Variants in SEPTIN9 observed in about 807,000 individuals in gnomAD.
SEPTIN9 encodes the protein septin-9.
A neutral mutation model predicts 56.6 loss-of-function variants in SEPTIN9; 13 were observed. The ratio of observed to expected loss-of-function variants is 0.23; its 90% CI spans 0.15 to 0.37. SEPTIN9 has a LOEUF of 0.37. SEPTIN9 is among the 10% of genes least tolerant of loss of function. The pLI is 1.00. For missense variants in SEPTIN9, 650 were observed against 823.1 expected, an observed-to-expected ratio of 0.79 and a Z score of 2.57; for synonymous variants, 332 against 334.1, an observed-to-expected ratio of 0.99 and a Z score of 0.07.
intron 3 of SEPTIN9, chr17:77,446,370 T>C (rs1207647674): frequency 1.3e-5 from 2 of 159,184 alleles, no homozygotes; most frequent in Non-Finnish European, 2.9e-5. Context: ...CTTCCTCTTT[T>C]TTTTTTTTGA....
intron 3 of SEPTIN9, among the ~76,000 whole-genome samples, chr17:77,406,324 C>T (rs1311210007): frequency 1.3e-5 from 2 of 152,206 alleles, no homozygotes; most frequent in African/African-American, 4.8e-5. Flanking sequence ...ACCCTGACCT[C>T]TGCTTCTCTT....
intron 3 of SEPTIN9, among the ~76,000 whole-genome samples, chr17:77,460,288 G>A (rs2038409060): frequency 6.6e-6 from 1 of 152,134 alleles, no homozygotes; most frequent in Non-Finnish European, 1.5e-5. Flanking sequence ...AGGGGCCCTG[G>A]TGTTTGTGGA....
At chr17:77,410,882 C>G (rs2036271942) in intron 3 of SEPTIN9, among the ~76,000 whole-genome samples, 1 of 152,184 alleles carries the variant, frequency 6.6e-6, no homozygotes, top group South Asian at 2.1e-4. Flanking sequence ...GCTCTGTGTT[C>G]TGGCTCCCAT....
At chr17:77,408,908 G>A (rs1008997504) in intron 3 of SEPTIN9, among the ~76,000 whole-genome samples, 2 of 152,178 alleles carry the variant, frequency 1.3e-5, no homozygotes, top group Non-Finnish European at 2.9e-5. Context: ...GGTTCGTCCA[G>A]TACCAGGTGT....
At chr17:77,407,795 TC>T (rs2036144694) in intron 3 of SEPTIN9, among the ~76,000 whole-genome samples, 1 of 152,202 alleles carries the variant, frequency 6.6e-6, no homozygotes, top group Non-Finnish European at 1.5e-5. Flanking sequence ...AGGGCGCTCA[TC>T]CTTTGGGGTC....
chr17:77,498,798 C>G lies in SEPTIN9; in HGVS notation c.*140C>G, dbSNP rs1047528572. On this transcript the variant is annotated 3_prime_UTR_variant, in exon 12 of 12. Coordinates refer to ENST00000427177, the MANE Select transcript of SEPTIN9 (RefSeq NM_001113491.2). ...ACCCCTTCGACATGCTGCCAGGAAA[C>G]AAGGGAAGGGGCCTCCCTCCGAGTG... The G allele has an allele frequency of 7.9e-6, 5 of 633,906 alleles. No homozygotes were observed. Among genetic ancestry groups the G allele is most frequent in the East Asian group, 6.3e-5 (2 of 31,848 alleles). 39.3% of individuals were successfully genotyped at this position (633,906 alleles called of 1,614,324 possible). A position where few individuals can be genotyped will look rare whatever the true frequency, so the allele number is the denominator to read the frequency against.
At chr17:77,322,323 T>C (rs1031152977) in intron 2 of SEPTIN9, among the ~76,000 whole-genome samples, 3 of 152,204 alleles carry the variant, frequency 2.0e-5, no homozygotes, top group Non-Finnish European at 4.4e-5. Context: ...TGATCCCTGC[T>C]GCCCTTGGCT....
At chr17:77,346,304 T>A (rs1452833763) in intron 2 of SEPTIN9, among the ~76,000 whole-genome samples, 1 of 145,344 alleles carries the variant, frequency 6.9e-6, no homozygotes, top group African/African-American at 2.5e-5. Flanking sequence ...TTTTTTTTTT[T>A]TTTACTTCTT....
At chr17:77,354,056 GAGA>G (rs2034145485) in intron 2 of SEPTIN9, among the ~76,000 whole-genome samples, 1 of 152,178 alleles carries the variant, frequency 6.6e-6, no homozygotes, top group African/African-American at 2.4e-5. Flanking sequence ...GATCTCCACA[GAGA>G]AGAAGGGTCA....
Position 77,492,872 on chromosome 17 carries a change from C to A in SEPTIN9, c.1477-108C>A. The A allele has an allele frequency of 1.6e-6, 2 of 1,234,924 alleles. No homozygotes were observed. The highest frequency in any genetic ancestry group is 2.4e-6 in the Non-Finnish European group (2 of 849,926). The allele number at this position is 1,234,924 out of a possible 1,614,324, so 76.5% of individuals were successfully genotyped here. A position where few individuals can be genotyped will look rare whatever the true frequency, so the allele number is the denominator to read the frequency against. ...TGTACCCAGTGCTGTCAGGCTGAGG[C>A]TCTCGTTTTTGGGGGACCCCAGGCT... On this transcript the variant is annotated intron_variant, in intron 9 of 11. Transcript: ENST00000427177. This position sits in a 1 kb window ranked among gnomAD's most constrained non-coding sequence, Gnocchi z 5.4.
intron 1 of SEPTIN9, 100 bp downstream of exon 1, chr17:77,281,654 G>C: frequency 8.3e-7 from 1 of 1,202,066 alleles, no homozygotes; most frequent in Non-Finnish European, 1.1e-6. Flanking sequence ...CCCCGGAGCT[G>C]AGCGAGTCCC....
intron 2 of SEPTIN9, among the ~76,000 whole-genome samples, chr17:77,387,872 T>C (rs2035391209): frequency 6.6e-6 from 1 of 151,992 alleles, no homozygotes; most frequent in South Asian, 2.1e-4. Context: ...TGATCTAGCC[T>C]GACCCTCCAC....
intron 1 of SEPTIN9, among the ~76,000 whole-genome samples, chr17:77,290,564 A>C (rs1406997450): frequency 6.6e-6 from 1 of 151,768 alleles, no homozygotes; most frequent in South Asian, 2.1e-4. Flanking sequence ...GCGGTGGCTC[A>C]CACCTGTAAT....
intron 2 of SEPTIN9, among the ~76,000 whole-genome samples, chr17:77,333,371 C>A (rs1456450914): frequency 1.3e-5 from 2 of 152,008 alleles, no homozygotes; most frequent in African/African-American, 2.4e-5. Flanking sequence ...ATATTTTATT[C>A]CAGTCTGTGG....
chr17:77,395,352 C>T (rs1360390780), intron 2 of SEPTIN9, among the ~76,000 whole-genome samples: 4 of 151,966 alleles, frequency 2.6e-5, no homozygotes, highest in Admixed American at 1.3e-4. Flanking sequence ...ACGGTGAAAT[C>T]GTGTCTCTAC....
chr17:77,395,526 CAAAAAAAA>C (rs72242549), intron 2 of SEPTIN9, among the ~76,000 whole-genome samples: 2 of 115,324 alleles, frequency 1.7e-5, no homozygotes, highest in African/African-American at 6.1e-5. Context: ...GAGACTGTCT[CAAAAAAAA>C]AAAAAAAAAA....
At chr17:77,322,382 C>T (rs1027525939) in intron 2 of SEPTIN9, among the ~76,000 whole-genome samples, 16 of 152,204 alleles carry the variant, frequency 1.1e-4, no homozygotes, top group African/African-American at 3.6e-4. Context: ...TCGGGCTGTG[C>T]CTTGATGAAA....
chr17:77,399,611 C>T lies in SEPTIN9; in HGVS notation c.77-2448C>T, dbSNP rs112618204. 2.2e-3 allele frequency among the ~76,000 whole-genome samples: 330 copies of T among 152,212 alleles called. 5 individuals are homozygous for T. Among genetic ancestry groups the T allele is most frequent in the East Asian group, 0.015 (76 of 5,180 alleles). ...TTCACTTTCCCCATCTGTACGGGGG[C>T]GGTAATAATATTCTTTACAGCCCAG... is the stretch of plus-strand genomic sequence containing the variant. On this transcript the variant is annotated intron_variant, in intron 2 of 11. Coordinates refer to ENST00000427177, the MANE Select transcript of SEPTIN9 (RefSeq NM_001113491.2).
intron 2 of SEPTIN9, among the ~76,000 whole-genome samples, chr17:77,370,084 T>G (rs529199438): frequency 6.6e-6 from 1 of 152,362 alleles, no homozygotes; most frequent in East Asian, 1.9e-4. Context: ...CTTTGCTGTA[T>G]GAAGCTTTGA....
Sources: gnomAD v4.1 joint callset for allele counts (sites outside exome capture counted in the v4.1 genomes callset) on GRCh38, gnomAD v4.1.1 for gene constraint, Gnocchi (gnomAD v3.1) non-coding constraint, MANE v1.5 for transcripts, NCBI Gene and HGNC (gene_info 2026-07-23, HGNC 2026-07-21) for gene names.